COL27A1: variants seen among roughly 807,000 people sequenced by gnomAD.
The protein encoded by COL27A1 is collagen alpha-1(XXVII) chain.
Under a neutral mutation model 251.3 loss-of-function variants are expected in COL27A1, and 106 were observed. The ratio of observed to expected loss-of-function variants is 0.42; its 90% CI spans 0.36 to 0.50. The LOEUF (loss-of-function observed/expected upper bound fraction) is 0.50. Among genes scored for constraint, COL27A1 ranks in the 20% least tolerant of loss-of-function variants. The pLI is 0.00. For missense variants in COL27A1, 2,325 were observed against 2,522.8 expected, an observed-to-expected ratio of 0.92 and a Z score of 1.68; for synonymous variants, 1,000 against 986.3, an observed-to-expected ratio of 1.01 and a Z score of -0.26.
chr9:114,302,726 C>CAAAAAAAAAAAAAAACAAAAAAA, intron 56 of COL27A1, among the ~76,000 whole-genome samples: 1 of 139,200 alleles, frequency 7.2e-6, no homozygotes, highest in Non-Finnish European at 1.6e-5. Context: ...ACAAAAAAAA[C>CAAAAAAAAAAAAAAACAAAAAAA]AAAAAAAAAA....
chr9:114,287,238 G>C lies in COL27A1; in HGVS notation c.3988-1217G>C, dbSNP rs369431210. ...CACCAGGGATGTGTCCCAGCCCCAG[G>C]GACGCTTTGCCTCTGTCCAGCCTCT... On this transcript the variant is annotated intron_variant, in intron 41 of 60. Transcript: ENST00000356083. Among the ~76,000 whole-genome samples, 150 of 152,190 alleles carry C rather than the reference G, an allele frequency of 9.9e-4. 5 individuals carry two copies. The South Asian group carries it at 0.031, about 31-fold the overall frequency.
Position 114,231,831 on chromosome 9 carries a change from G to A in COL27A1, c.2530G>A (p.Gly844Ser), listed in dbSNP as rs1366179831. 6.2e-7 allele frequency: 1 copy of A among 1,614,160 alleles called. No homozygotes were observed. Residue 844 changes from glycine to serine, a missense_variant, in exon 16 of 61, where the codon GGC becomes AGC. Physicochemically the swap from Gly to Ser is moderately conservative, Grantham distance 56. This residue lies in a region of COL27A1 where 1,183 missense variants were observed against 1,144.1 expected (regional missense o/e 1.03). Transcript: ENST00000356083. ...GGGCTTTGTCTTGCAGGGACTGATG[G>A]GCAGCGTGGGGGAGCCCGGACTGAA... ...PGPKGMKGLM[G>S]SVGEPGLKGD... is the part of the protein sequence containing the mutation.
At chr9:114,186,271 G>A (rs1179633005) in intron 5 of COL27A1, among the ~76,000 whole-genome samples, 2 of 152,220 alleles carry the variant, frequency 1.3e-5, no homozygotes, top group Admixed American at 6.5e-5. Context: ...TGAGAATGAG[G>A]CAGAGAAGCT....
chr9:114,285,301 G>A (rs192519603), intron 41 of COL27A1, among the ~76,000 whole-genome samples: 73 of 152,228 alleles, frequency 4.8e-4, no homozygotes, highest in Non-Finnish European at 8.2e-4. Flanking sequence ...TAGAGGAGAG[G>A]AATTGCTGGA....
At chr9:114,303,971 C>G (rs1447340498) in intron 56 of COL27A1, among the ~76,000 whole-genome samples, 1 of 152,232 alleles carries the variant, frequency 6.6e-6, no homozygotes, top group African/African-American at 2.4e-5. Context: ...GGCAGGTTTT[C>G]TGAGACACAG....
intron 41 of COL27A1, among the ~76,000 whole-genome samples, chr9:114,285,199 G>A (rs1324543539): frequency 7.9e-5 from 12 of 152,188 alleles, no homozygotes; most frequent in Non-Finnish European, 1.6e-4. Flanking sequence ...GGGACAGAGA[G>A]CAAGGAACCC....
intron 1 of COL27A1, among the ~76,000 whole-genome samples, chr9:114,160,745 A>G (rs1848445091): frequency 6.6e-6 from 1 of 152,020 alleles, no homozygotes; most frequent in African/African-American, 2.4e-5. Flanking sequence ...TCGTCTAGAC[A>G]GGGAAATAGG....
Position 114,213,190 on chromosome 9 carries a change from G to A in COL27A1, c.2367+2164G>A, listed in dbSNP as rs111307710. Among the ~76,000 whole-genome samples, 24 of 152,276 alleles carry A rather than the reference G, an allele frequency of 1.6e-4. 1 individual carries two copies. Among genetic ancestry groups the A allele is most frequent in the African/African-American group, 4.8e-4 (20 of 41,536 alleles). ...GGTACGGAGTCTCCTGAGCATGGAA[G>A]AGGTAAGACCCATGAAAGCCTGGAC... On this transcript the variant is annotated intron_variant, in intron 12 of 60. Transcript: ENST00000356083.
At chr9:114,269,021 C>T in intron 34 of COL27A1, 2 of 502,648 alleles carry the variant, frequency 4.0e-6, no homozygotes, top group Non-Finnish European at 7.0e-6. Flanking sequence ...GCTAATTGTC[C>T]TCCTGTCCTG....
intron 49 of COL27A1, among the ~76,000 whole-genome samples, chr9:114,297,491 G>T (rs1266741744): frequency 6.6e-6 from 1 of 152,172 alleles, no homozygotes; most frequent in East Asian, 1.9e-4. Context: ...GACAAAGTGA[G>T]ATTTATCCTA....
rs924388699 is a variant in COL27A1 at position 114,305,230 on chromosome 9, C to T, written c.4938+557C>T. Among the ~76,000 whole-genome samples, 6 of 152,312 alleles carry T rather than the reference C, an allele frequency of 3.9e-5. No individual in the cohort carries two copies. The East Asian group carries it at 5.8e-4, about 15-fold the overall frequency. On this transcript the variant is annotated intron_variant, in intron 57 of 60. Transcript: ENST00000356083. The stretch of plus-strand genomic sequence containing the variant: ...CAGCTCAAACCTCCTATGAACATTT[C>T]GGTTTGTTCCCTGTGCTGGATGCTG...
Position 114,297,404 on chromosome 9 carries a change from T to C in COL27A1, c.4585-2666T>C, listed in dbSNP as rs375198067. Reference sequence around the variant, plus strand: ...GAAATCAACAGACAAATATGCCTTATGAATACAGATACAAAAATCTTTAAT... The same window carrying C: ...GAAATCAACAGACAAATATGCCTTACGAATACAGATACAAAAATCTTTAAT... On this transcript the variant is annotated intron_variant, in intron 49 of 60. Transcript: ENST00000356083. Among the ~76,000 whole-genome samples the C allele has an allele frequency of 2.5e-4, 38 of 152,254 alleles. No homozygotes were observed. The East Asian group carries it at 4.8e-3, about 19-fold the overall frequency.
At chr9:114,228,392 G>T (rs1050752441) in intron 14 of COL27A1, among the ~76,000 whole-genome samples, 1 of 152,232 alleles carries the variant, frequency 6.6e-6, no homozygotes, top group African/African-American at 2.4e-5. Context: ...GGAACTCTGG[G>T]CGGGCCACCC....
At position 114,160,596 on chromosome 9, in the gene COL27A1, G is replaced by A. The variant is rs567890223; in HGVS notation, c.63-2119G>A. The stretch of plus-strand genomic sequence containing the variant: ...CACATGCCTGTAATCTCAGCTACTC[G>A]GGAGGCTGAGGTGGGAGGATAGCTT... On this transcript the variant is annotated intron_variant, in intron 1 of 60. Coordinates refer to ENST00000356083, the MANE Select transcript of COL27A1 (RefSeq NM_032888.4). 2.2e-3 allele frequency among the ~76,000 whole-genome samples: 336 copies of A among 151,878 alleles called. 2 individuals carry two copies. Among genetic ancestry groups the A allele is most frequent in the African/African-American group, 7.9e-3 (325 of 41,384 alleles).
rs762981179 is a variant in COL27A1, at chr9:114,168,978, C to T, written c.1423C>T (p.Arg475Cys). The T allele has an allele frequency of 2.4e-5, 38 of 1,614,042 alleles. No homozygotes were observed. The highest frequency in any genetic ancestry group is 1.6e-4 in the African/African-American group (12 of 74,916). ...CCATGCCAGTAAGCCGGCCTCTGCC[C>T]GCACCAGCACCCACAAACCTCCCCC... Reference protein sequence around the residue: ...TSHASKPASARTSTHKPPPFT... With the variant: ...TSHASKPASACTSTHKPPPFT... Residue 475 changes from arginine (R) to cysteine (C), a missense_variant, in exon 3 of 61, where the codon CGC (arginine) becomes TGC (cysteine). Around this residue, in one of 4 missense-constraint regions of COL27A1, gnomAD observed 1,183 missense variants for 1,144.1 expected, o/e 1.03. Transcript: ENST00000356083.
chr9:114,240,405 A>G (rs1832678462), intron 20 of COL27A1, 29 bp from the exon 21 acceptor site: 1 of 1,612,292 alleles, frequency 6.2e-7, no homozygotes, highest in Admixed American at 1.7e-5. Flanking sequence ...ACCGCCTCTG[A>G]GACTCCCTTT....
intron 27 of COL27A1, among the ~76,000 whole-genome samples, chr9:114,256,514 C>T (rs1833932034): frequency 6.6e-6 from 1 of 152,118 alleles, no homozygotes; most frequent in Non-Finnish European, 1.5e-5. Context: ...ATTATTATCC[C>T]CATTATTGGG....
At chr9:114,173,945 C>T (rs376149146) in intron 3 of COL27A1, among the ~76,000 whole-genome samples, 1 of 150,692 alleles carries the variant, frequency 6.6e-6, no homozygotes, top group South Asian at 2.1e-4. Flanking sequence ...TGACACATGT[C>T]AGCTAGACAG....
chr9:114,217,418 G>C (rs896994783), intron 12 of COL27A1, among the ~76,000 whole-genome samples: 1 of 151,956 alleles, frequency 6.6e-6, no homozygotes, highest in Admixed American at 6.5e-5. Flanking sequence ...GACTGTCTTG[G>C]GGCAGGCTGG....
Sources: gnomAD v4.1 joint callset for allele counts (sites outside exome capture counted in the v4.1 genomes callset) on GRCh38, gnomAD v4.1.1 for gene constraint, gnomAD v4.1.1 regional missense constraint, MANE v1.5 for transcripts, NCBI Gene and HGNC (gene_info 2026-07-23, HGNC 2026-07-21) for gene names.